ZNF236: variants seen among roughly 807,000 people sequenced by gnomAD.
The protein encoded by ZNF236 is zinc finger protein 236.
Under a neutral mutation model 191.2 loss-of-function variants are expected in ZNF236, and 50 were observed. The ratio of observed to expected loss-of-function variants is 0.26; its 90% confidence interval spans 0.21 to 0.33. The LOEUF is 0.33. Among genes scored for constraint, ZNF236 ranks in the 10% least tolerant of loss-of-function variants. The pLI, the probability that ZNF236 is intolerant of heterozygous loss-of-function variation, is 1.00. For synonymous variants in ZNF236, 907 were observed against 928.8 expected (o/e 0.98, Z 0.43); for missense variants, 1,754 against 2,374.5 (o/e 0.74, Z 5.43).
intron 10 of ZNF236, among the ~76,000 whole-genome samples, chr18:76,895,772 CAT>C (rs1223632973): frequency 3.3e-5 from 5 of 150,150 alleles, no homozygotes; most frequent in Non-Finnish European, 7.4e-5. Context: ...GTACCAAACA[CAT>C]AGTACTGCAC....
intron 1 of ZNF236, among the ~76,000 whole-genome samples, chr18:76,828,083 G>A (rs1280285139): frequency 6.6e-6 from 1 of 152,002 alleles, no homozygotes. Flanking sequence ...TAGGTTACCA[G>A]TTCAGGAATT....
At chr18:76,870,673 C>T (rs1015419431) in intron 4 of ZNF236, among the ~76,000 whole-genome samples, 4 of 152,010 alleles carry the variant, frequency 2.6e-5, no homozygotes, top group East Asian at 1.9e-4. Flanking sequence ...AGCTGTTGTG[C>T]GTGGGCCTTT....
At position 76,960,689 on chromosome 18, in the gene ZNF236, G is replaced by A. The variant is rs140591135; in HGVS notation, c.5253G>A (p.Pro1751=). 771 of 1,614,022 alleles carry A rather than the reference G, an allele frequency of 4.8e-4. 6 individuals carry two copies. In the African/African-American group the frequency reaches 9.2e-3, roughly 19 times the overall value. ...CCATTTTCTGTACAGGGGAGCGGCCGTTCCATTGCACGCTTTGTGAGAAAG... is the reference window on the plus strand; with the variant it reads ...CCATTTTCTGTACAGGGGAGCGGCCATTCCATTGCACGCTTTGTGAGAAAG... ...RHSRIHTGER[P]FHCTLCEKAF... Residue 1751 remains proline, a synonymous_variant, in exon 30 of 31, where the codon CCG becomes CCA. Coordinates refer to ENST00000320610, the MANE Select transcript of ZNF236 (RefSeq NM_001306089.2). This position sits in a 1 kb window ranked among gnomAD's most constrained non-coding sequence, Gnocchi z 4.4.
Position 76,939,531 on chromosome 18 carries a change from G to A in ZNF236, c.4782+2188G>A, listed in dbSNP as rs564678243. Among the ~76,000 whole-genome samples, 19 of 152,258 alleles carry A rather than the reference G, an allele frequency of 1.2e-4. 1 individual carries two copies. The South Asian group carries it at 3.9e-3, about 32-fold the overall frequency. ...GGCAGGCAGTGGGCAGGGGGAGGCT[G>A]GATGGGAGAGCACTTTTCCTTATTT... On this transcript the variant is annotated intron_variant, in intron 26 of 30. Coordinates refer to ENST00000320610, the MANE Select transcript of ZNF236 (RefSeq NM_001306089.2).
chr18:76,965,530 A>G (rs1204603313), intron 30 of ZNF236, among the ~76,000 whole-genome samples: 1 of 152,166 alleles, frequency 6.6e-6, no homozygotes, highest in Non-Finnish European at 1.5e-5. Context: ...GTCAGAGGGA[A>G]GGTCTAGGGC....
intron 1 of ZNF236, among the ~76,000 whole-genome samples, chr18:76,836,932 G>T (rs2122427747): frequency 6.6e-6 from 1 of 152,198 alleles, no homozygotes; most frequent in African/African-American, 2.4e-5. Flanking sequence ...CTGGAGTTCA[G>T]TGGTGCAGTC....
chr18:76,961,393 G>A (rs1359688044), intron 30 of ZNF236, among the ~76,000 whole-genome samples: 4 of 151,700 alleles, frequency 2.6e-5, no homozygotes, highest in African/African-American at 9.7e-5. Context: ...GTGTGTGTGT[G>A]TGTGTGTGTG....
At chr18:76,830,651 CA>C (rs1337829015) in intron 1 of ZNF236, among the ~76,000 whole-genome samples, 1 of 151,892 alleles carries the variant, frequency 6.6e-6, no homozygotes, top group African/African-American at 2.4e-5. Flanking sequence ...AAAAAAATCT[CA>C]AAAAAAGTCT....
intron 1 of ZNF236, among the ~76,000 whole-genome samples, chr18:76,838,933 C>T (rs191988330): frequency 1.2e-4 from 18 of 152,308 alleles, no homozygotes; most frequent in African/African-American, 4.1e-4. Context: ...TTTCTAACAA[C>T]GTAGGTTAGT....
Position 76,837,127 on chromosome 18 carries a change from TCC to T in ZNF236, c.56-12388_56-12387del, listed in dbSNP as rs57114708. ...CTGGCCTCAAGTGATCCGCACCCCC[TCC>T]CCCCCCCCCCGCCCCGCAAGCCTCC... On this transcript the variant is annotated intron_variant, in intron 1 of 30. Transcript: ENST00000320610. 2.8e-3 allele frequency among the ~76,000 whole-genome samples: 104 copies of T among 37,086 alleles called. 2 individuals are homozygous for T. Among genetic ancestry groups the T allele is most frequent in the South Asian group, 0.018 (11 of 620 alleles). The allele number at this position is 37,086 out of a possible 152,430, so 24.3% of individuals were successfully genotyped here. A position where few individuals can be genotyped will look rare whatever the true frequency, so the allele number is the denominator to read the frequency against.
intron 29 of ZNF236, 42 bp downstream of exon 29, chr18:76,959,858 G>A: frequency 6.3e-7 from 1 of 1,598,072 alleles, no homozygotes; most frequent in Non-Finnish European, 8.6e-7. Context: ...ACTCTTTGAA[G>A]TAGACATCAT....
rs539339598 is a variant in ZNF236 at position 76,886,710 on chromosome 18, G to A, written c.1417+5198G>A. The A allele has an allele frequency of 2.3e-4, 35 of 154,572 alleles. 1 individual carries two copies. The highest frequency in any genetic ancestry group is 5.9e-4 in the South Asian group (3 of 5,108). The allele number at this position is 154,572 out of a possible 1,614,324, so 9.6% of individuals were successfully genotyped here. A position where few individuals can be genotyped will look rare whatever the true frequency, so the allele number is the denominator to read the frequency against. On this transcript the variant is annotated intron_variant, in intron 9 of 30. Coordinates refer to ENST00000320610, the MANE Select transcript of ZNF236 (RefSeq NM_001306089.2). ...TATAGTTGACAAACATGGCTTCATC[G>A]TTACTCTCGTTTTCAAAGATAGGGT... is the stretch of plus-strand genomic sequence containing the variant.
intron 3 of ZNF236, among the ~76,000 whole-genome samples, chr18:76,857,348 C>T (rs1976073016): frequency 6.6e-6 from 1 of 152,176 alleles, no homozygotes; most frequent in African/African-American, 2.4e-5. Flanking sequence ...TTTCTCAAGC[C>T]AGCCCCCCGA....
intron 20 of ZNF236, among the ~76,000 whole-genome samples, chr18:76,921,296 A>G (rs984315356): frequency 1.3e-5 from 2 of 152,230 alleles, no homozygotes; most frequent in Non-Finnish European, 2.9e-5. Context: ...GTGTGGCCAC[A>G]GGACCCTTCA....
intron 16 of ZNF236, among the ~76,000 whole-genome samples, chr18:76,911,462 C>T (rs1476532834): frequency 2.0e-5 from 3 of 152,312 alleles, no homozygotes; most frequent in East Asian, 3.9e-4. Context: ...AAGTGGAGAA[C>T]GTACTTCTTA....
chr18:76,957,019 A>G (rs1247548139), intron 28 of ZNF236, among the ~76,000 whole-genome samples: 1 of 152,162 alleles, frequency 6.6e-6, no homozygotes, highest in Non-Finnish European at 1.5e-5. Flanking sequence ...GACAAATTCC[A>G]AGTGAGGGAT....
At chr18:76,897,419 G>A (rs1977462170) in intron 10 of ZNF236, among the ~76,000 whole-genome samples, 1 of 150,596 alleles carries the variant, frequency 6.6e-6, no homozygotes, top group African/African-American at 2.4e-5. Context: ...ACTGCATACA[G>A]TACTAAACAC....
intron 27 of ZNF236, among the ~76,000 whole-genome samples, chr18:76,951,781 A>G (rs1196835922): frequency 6.6e-6 from 1 of 152,162 alleles, no homozygotes; most frequent in Non-Finnish European, 1.5e-5. Flanking sequence ...TGCCTTCCTC[A>G]TTAAGCTTAA....
intron 1 of ZNF236, among the ~76,000 whole-genome samples, chr18:76,844,888 A>G (rs1234902044): frequency 2.0e-5 from 3 of 152,244 alleles, no homozygotes; most frequent in Non-Finnish European, 4.4e-5. Flanking sequence ...GTGCCAAGTC[A>G]TGACAGACCA....
Sources: allele counts gnomAD v4.1 joint callset (sites outside exome capture counted in the v4.1 genomes callset), GRCh38; gene constraint gnomAD v4.1.1; non-coding constraint Gnocchi (gnomAD v3.1); transcripts MANE v1.5; gene names NCBI Gene and HGNC (gene_info 2026-07-23, HGNC 2026-07-21).